TYR: variants seen among roughly 807,000 people sequenced by gnomAD.
TYR encodes the protein tyrosinase, also known as LB24-AB.
Under a neutral mutation model 51.5 loss-of-function variants are expected in TYR, and 58 were observed. The ratio of observed to expected loss-of-function variants is 1.13; its 90% CI spans 0.91 to 1.40. The LOEUF (loss-of-function observed/expected upper bound fraction) is 1.40, where lower values mean the gene tolerates loss of function less well. TYR is among the 40% of genes most tolerant of loss of function. TYR has a pLI of 0.00. For missense variants in TYR, 732 were observed against 647.4 expected, an observed-to-expected ratio of 1.13 and a Z score of -1.42; for synonymous variants, 263 against 235.2, an observed-to-expected ratio of 1.12 and a Z score of -1.08.
chr11:89,282,887 G>T (rs1944736151), intron 3 of TYR, among the ~76,000 whole-genome samples: 1 of 151,734 alleles, frequency 6.6e-6, no homozygotes, highest in Admixed American at 6.6e-5. Flanking sequence ...CTTAGGAGGG[G>T]GAAGAAGAGA....
At chr11:89,184,537 T>C (rs1943343525) in intron 1 of TYR, among the ~76,000 whole-genome samples, 2 of 152,150 alleles carry the variant, frequency 1.3e-5, no homozygotes, top group East Asian at 1.9e-4. Context: ...TGGTTTTGAC[T>C]CTAAATATCA....
At chr11:89,231,030 G>C (rs1215327702) in intron 3 of TYR, among the ~76,000 whole-genome samples, 1 of 151,654 alleles carries the variant, frequency 6.6e-6, no homozygotes, top group Non-Finnish European at 1.5e-5. Flanking sequence ...AATTAGCCAT[G>C]GGTGGTGGCA....
intron 3 of TYR, among the ~76,000 whole-genome samples, chr11:89,269,452 T>C (rs1944564302): frequency 6.6e-6 from 1 of 151,886 alleles, no homozygotes; most frequent in South Asian, 2.1e-4. Flanking sequence ...TGATACTTAA[T>C]GATATTAAAT....
intron 2 of TYR, among the ~76,000 whole-genome samples, chr11:89,193,779 A>C (rs1052969389): frequency 3.9e-5 from 6 of 152,148 alleles, no homozygotes; most frequent in African/African-American, 1.4e-4. Flanking sequence ...TTCAGCAATA[A>C]TTTTAAGCTT....
At chr11:89,292,383 T>C (rs919802525) in intron 4 of TYR, among the ~76,000 whole-genome samples, 1 of 152,042 alleles carries the variant, frequency 6.6e-6, no homozygotes, top group African/African-American at 2.4e-5. Context: ...ATATAATAGA[T>C]AACTGGAATA....
rs575327899 is a variant in TYR, at chr11:89,234,269, G to A, written c.1184+6299G>A. On this transcript the variant is annotated intron_variant, in intron 3 of 4. Transcript: ENST00000263321. ...CCTCTTTGACCCTCCATAGGATTAA[G>A]AGAGTCAGAGCCTTGCTCTCAATTA... Among the ~76,000 whole-genome samples, 115 of 143,814 alleles carry A rather than the reference G, an allele frequency of 8.0e-4. 22 individuals carry two copies. The highest frequency in any genetic ancestry group is 2.7e-3 in the African/African-American group (97 of 36,556). 94.3% of individuals were successfully genotyped at this position (143,814 alleles called of 152,430 possible). A position where few individuals can be genotyped will look rare whatever the true frequency, so the allele number is the denominator to read the frequency against.
At chr11:89,271,984 G>A (rs543834463) in intron 3 of TYR, among the ~76,000 whole-genome samples, 2 of 151,782 alleles carry the variant, frequency 1.3e-5, no homozygotes, top group African/African-American at 4.8e-5. Context: ...TCCAGTTCTG[G>A]TGCAATTTCC....
At chr11:89,263,355 T>C (rs1450429050) in intron 3 of TYR, among the ~76,000 whole-genome samples, 1 of 151,960 alleles carries the variant, frequency 6.6e-6, no homozygotes, top group Admixed American at 6.6e-5. Flanking sequence ...CTTTCTCATT[T>C]TGATAAATAA....
chr11:89,240,640 A>T (rs1372708950), intron 3 of TYR, among the ~76,000 whole-genome samples: 1 of 152,004 alleles, frequency 6.6e-6, no homozygotes, highest in African/African-American at 2.4e-5. Context: ...GGTCATGAAC[A>T]TTTGTTTCTT....
At chr11:89,236,088 G>T (rs1266644659) in intron 3 of TYR, among the ~76,000 whole-genome samples, 1 of 152,056 alleles carries the variant, frequency 6.6e-6, no homozygotes, top group African/African-American at 2.4e-5. Context: ...GTCAATGGAT[G>T]CTTTCGGGCT....
chr11:89,183,300 C>A lies in TYR; in HGVS notation c.819+4528C>A, dbSNP rs995403936. Among the ~76,000 whole-genome samples the A allele has an allele frequency of 2.0e-5, 3 of 151,844 alleles. 1 individual carries two copies. The highest frequency in any genetic ancestry group is 4.2e-4 in the South Asian group (2 of 4,816). Reference sequence around the variant, plus strand: ...CCCAGCATATGTTATAAATCACTTGCGTTGAAATAGAAAAAAAACAGAGTC... The same window carrying A: ...CCCAGCATATGTTATAAATCACTTGAGTTGAAATAGAAAAAAAACAGAGTC... On this transcript the variant is annotated intron_variant, in intron 1 of 4. Transcript: ENST00000263321.
intron 2 of TYR, among the ~76,000 whole-genome samples, chr11:89,218,689 C>T (rs964546531): frequency 1.7e-4 from 26 of 152,256 alleles, no homozygotes; most frequent in Non-Finnish European, 2.8e-4. Flanking sequence ...AAACTTTTCA[C>T]GTCCATTATC....
intron 3 of TYR, among the ~76,000 whole-genome samples, chr11:89,236,171 G>A (rs1424678813): frequency 1.3e-5 from 2 of 151,708 alleles, no homozygotes; most frequent in Admixed American, 6.6e-5. Flanking sequence ...ATAGCTAGCC[G>A]TTTGCAGAAA....
intron 3 of TYR, among the ~76,000 whole-genome samples, chr11:89,259,261 T>C (rs1047472692): frequency 1.3e-5 from 2 of 152,122 alleles, no homozygotes; most frequent in African/African-American, 4.8e-5. Flanking sequence ...ACATCTTCCT[T>C]GCAAGCTTAG....
intron 2 of TYR, among the ~76,000 whole-genome samples, chr11:89,223,639 T>G (rs1471187826): frequency 2.0e-5 from 3 of 152,182 alleles, no homozygotes; most frequent in Non-Finnish European, 4.4e-5. Context: ...TTTGTTTATC[T>G]TTTAAATATG....
intron 2 of TYR, among the ~76,000 whole-genome samples, chr11:89,219,296 CTTTT>C (rs35311585): frequency 7.2e-6 from 1 of 139,036 alleles, no homozygotes. Flanking sequence ...GACAGAGTGA[CTTTT>C]TTTTTTTTTT....
chr11:89,274,083 T>C (rs749128053), intron 3 of TYR, among the ~76,000 whole-genome samples: 12 of 151,854 alleles, frequency 7.9e-5, no homozygotes, highest in Non-Finnish European at 1.2e-4. Flanking sequence ...TATGTTATAA[T>C]CCCCACTTCA....
At chr11:89,225,528 T>A (rs1381886918) in intron 2 of TYR, among the ~76,000 whole-genome samples, 1 of 151,816 alleles carries the variant, frequency 6.6e-6, no homozygotes, top group African/African-American at 2.4e-5. Context: ...TATATAACAT[T>A]TAGATATAAT....
At chr11:89,260,861 G>C (rs1312175901) in intron 3 of TYR, among the ~76,000 whole-genome samples, 2 of 152,112 alleles carry the variant, frequency 1.3e-5, no homozygotes, top group Non-Finnish European at 2.9e-5. Context: ...TCTGTGGCCT[G>C]TTAAGAACCA....
Sources: allele counts gnomAD v4.1 joint callset (sites outside exome capture counted in the v4.1 genomes callset), GRCh38; gene constraint gnomAD v4.1.1; transcripts MANE v1.5; gene names NCBI Gene and HGNC (gene_info 2026-07-23, HGNC 2026-07-21).